The following FSTL3 variants were observed in gnomAD, a reference collection of about 807,000 sequenced individuals.
FSTL3 encodes follistatin like 3.
FSTL3 carries 21 observed loss-of-function variants against 28.1 expected under a neutral mutation model. The observed-to-expected ratio is 0.75, with a 90% CI of 0.53 to 1.08. The LOEUF is 1.08. FSTL3 is among the 50% of genes least tolerant of loss of function. The probability of loss-of-function intolerance (pLI) is 0.00; values close to 1 mark genes in which losing one functional copy is unlikely to be tolerated. For synonymous variants in FSTL3, 199 were observed against 164.2 expected (o/e 1.21, Z -1.62); for missense variants, 400 against 380.9 (o/e 1.05, Z -0.42).
chr19:681,239 C>G (rs546362697), intron 3 of FSTL3, 94 bp from the exon 4 acceptor site: 1 of 870,068 alleles, frequency 1.1e-6, no homozygotes, highest in African/African-American at 1.7e-5. Context: ...AGGGTTTTCG[C>G]ATCTTGGGGG....
At position 680,268 on chromosome 19, in the gene FSTL3, C is replaced by A; in HGVS notation, c.290-6C>A. 7.5e-7 allele frequency: 1 copy of A among 1,334,404 alleles called. No homozygotes were observed. Among genetic ancestry groups the A allele is most frequent in the South Asian group, 1.8e-5 (1 of 56,018 alleles). The allele number at this position is 1,334,404 out of a possible 1,614,324, so 82.7% of individuals were successfully genotyped here. On this transcript the variant is annotated splice_region_variant and splice_polypyrimidine_tract_variant and intron_variant, in intron 2 of 4. Transcript: ENST00000166139. Reference sequence around the variant, plus strand: ...CCGGCCCCACGCGCGTGTCCTCTGTCCGCAGATTCGTGCGACGGCGTGGAG... The same window carrying A: ...CCGGCCCCACGCGCGTGTCCTCTGTACGCAGATTCGTGCGACGGCGTGGAG...
chr19:681,230 G>A (rs2031326282), intron 3 of FSTL3, 103 bp from the exon 4 acceptor site: 4 of 770,520 alleles, frequency 5.2e-6, no homozygotes, highest in South Asian at 1.8e-5. Flanking sequence ...TCCTACCAGA[G>A]GGTTTTCGCA....
intron 1 of FSTL3, among the ~76,000 whole-genome samples, chr19:676,804 T>C (rs2031220733): frequency 6.6e-6 from 1 of 152,146 alleles, no homozygotes; most frequent in African/African-American, 2.4e-5. Flanking sequence ...GCTCTCTTCA[T>C]CTCCGTCTTC....
intron 1 of FSTL3, 121 bp from the exon 2 acceptor site, chr19:677,671 C>G (rs2031242155): frequency 1.0e-6 from 1 of 994,490 alleles, no homozygotes; most frequent in Non-Finnish European, 1.4e-6. Flanking sequence ...CCCCTTCTTC[C>G]TGGGTGGGGG....
rs111247833 is a variant in FSTL3 at position 679,003 on chromosome 19, G to C, written c.289+1026G>C. Among the ~76,000 whole-genome samples, 761 of 152,260 alleles carry C rather than the reference G, an allele frequency of 5.0e-3. 11 individuals are homozygous for C. Among genetic ancestry groups the C allele is most frequent in the African/African-American group, 0.017 (722 of 41,538 alleles). ...CTGAGGGCTGCAGACCCGAAGGCCA[G>C]GCTGAGGAACTCTGCTGGCCTCTGA... On this transcript the variant is annotated intron_variant, in intron 2 of 4. Coordinates refer to ENST00000166139, the MANE Select transcript of FSTL3 (RefSeq NM_005860.3).
Position 677,905 on chromosome 19 carries a change from A to G in FSTL3, c.217A>G (p.Asn73Asp). The part of the protein sequence containing the change: ...ASGNIDTAWS[N>D]LTHPGNKINL... Reference sequence around the variant, plus strand: ...CGGCAACATTGACACCGCCTGGTCCAACCTCACCCACCCGGGGAACAAGAT... The same window carrying G: ...CGGCAACATTGACACCGCCTGGTCCGACCTCACCCACCCGGGGAACAAGAT... Residue 73 changes from asparagine to aspartate, a missense_variant, in exon 2 of 5, where the codon AAC becomes GAC. Transcript: ENST00000166139. 5.6e-6 allele frequency: 9 copies of G among 1,613,632 alleles called. No individual in the cohort carries two copies. The highest frequency in any genetic ancestry group is 7.6e-6 in the Non-Finnish European group (9 of 1,179,990).
intron 1 of FSTL3, 144 bp downstream of exon 1, chr19:676,670 G>T (rs1428188874): frequency 3.4e-6 from 1 of 296,004 alleles, no homozygotes; most frequent in African/African-American, 2.2e-5. Flanking sequence ...GGGAAGGTCT[G>T]AAGGAGGGTC....
chr19:680,605 A>C, intron 3 of FSTL3, 116 bp downstream of exon 3: 1 of 527,884 alleles, frequency 1.9e-6, no homozygotes. Flanking sequence ...GACCACCCGG[A>C]CCTGAGCGTG....
intron 1 of FSTL3, among the ~76,000 whole-genome samples, chr19:677,086 C>A (rs1243773874): frequency 3.3e-5 from 5 of 152,188 alleles, no homozygotes; most frequent in Non-Finnish European, 5.9e-5. Flanking sequence ...GTGCTGCGTT[C>A]CACAAGCTGG....
intron 2 of FSTL3, among the ~76,000 whole-genome samples, chr19:678,396 G>A (rs978662267): frequency 3.9e-5 from 6 of 152,154 alleles, no homozygotes; most frequent in Non-Finnish European, 5.9e-5. Context: ...CATTTGCCTC[G>A]GGACCCTGTT....
rs367998628 is a variant in FSTL3 at position 681,350 on chromosome 19, G to C, written c.523G>C (p.Val175Leu). 4.4e-6 allele frequency: 7 copies of C among 1,576,960 alleles called. No homozygotes were observed. The African/African-American group carries it at 8.1e-5, about 18-fold the overall frequency. Residue 175 changes from valine to leucine, a missense_variant, in exon 4 of 5, where the codon GTG (valine) becomes CTG (leucine). Val to Leu is a conservative substitution (Grantham distance 32, BLOSUM62 1). Coordinates refer to ENST00000166139, the MANE Select transcript of FSTL3 (RefSeq NM_005860.3). ...GRCRKSCEHV[V>L]CPRPQSCVVD... ...GCCTGCAGAGTCCTGTGAGCACGTG[G>C]TGTGCCCGCGGCCACAGTCGTGCGT... is the stretch of plus-strand genomic sequence containing the variant.
In FSTL3 at chr19:680,296, C is replaced by T. The variant is rs1415904179; in HGVS notation, c.312C>T (p.Cys104=). The part of the protein sequence containing the change: ...PCKDSCDGVE[C]GPGKACRMLG... ...CAGATTCGTGCGACGGCGTGGAGTG[C>T]GGCCCGGGCAAGGCGTGCCGCATGC... The change falls in exon 3 of 5, where the codon TGC becomes TGT. Residue 104 remains cysteine (C), a synonymous_variant. Coordinates refer to ENST00000166139, the MANE Select transcript of FSTL3 (RefSeq NM_005860.3). 5 of 1,308,842 alleles carry T rather than the reference C, an allele frequency of 3.8e-6. No homozygotes were observed. In the South Asian group the frequency reaches 8.3e-5, roughly 22 times the overall value. 81.1% of individuals were successfully genotyped at this position (1,308,842 alleles called of 1,614,324 possible).
intron 2 of FSTL3, 101 bp downstream of exon 2, chr19:678,078 A>G (rs751623890): frequency 8.7e-7 from 1 of 1,146,986 alleles, no homozygotes; most frequent in Non-Finnish European, 1.2e-6. Context: ...TGAGCCCGTC[A>G]CAGGGGTATG....
chr19:679,731 G>A (rs561061318), intron 2 of FSTL3, among the ~76,000 whole-genome samples: 17 of 152,236 alleles, frequency 1.1e-4, no homozygotes, highest in Admixed American at 9.1e-4. Context: ...CTGGTTCAGA[G>A]GCCTAGGGCT....
chr19:678,081 G>A (rs2031249452), intron 2 of FSTL3, 104 bp downstream of exon 2: 2 of 1,081,980 alleles, frequency 1.8e-6, no homozygotes, highest in Non-Finnish European at 1.3e-6. Flanking sequence ...GCCCGTCACA[G>A]GGGTATGTAG....
Position 677,847 on chromosome 19 carries a change from G to C in FSTL3, c.159G>C (p.Gln53His), listed in dbSNP as rs1352586102. The stretch of plus-strand genomic sequence containing the variant: ...AGGCCACCTGCAGCCTGGTGCTCCA[G>C]ACTGATGTCACCCGGGCCGAGTGCT... ...GQEATCSLVLQTDVTRAECCA... is the reference protein window; with the variant it reads ...GQEATCSLVLHTDVTRAECCA... The change falls in exon 2 of 5, where the codon CAG becomes CAC. Residue 53 changes from glutamine to histidine, a missense_variant. Transcript: ENST00000166139. The C allele has an allele frequency of 6.2e-7, 1 of 1,612,892 alleles. No homozygotes were observed. The highest frequency in any genetic ancestry group is 2.2e-5 in the East Asian group (1 of 44,886).
intron 2 of FSTL3, 30 bp from the exon 3 acceptor site, chr19:680,244 C>G (rs982137240): frequency 2.3e-6 from 3 of 1,314,738 alleles, no homozygotes; most frequent in Admixed American, 3.6e-5. Flanking sequence ...CTCCCGCGCC[C>G]GGCCCCACGC....
At chr19:680,074 G>A (rs2031295224) in intron 2 of FSTL3, 200 bp from the exon 3 acceptor site, 1 of 293,676 alleles carries the variant, frequency 3.4e-6, no homozygotes. Flanking sequence ...GCGGACCTCG[G>A]CCCCACCGGT....
At chr19:678,660 G>A (rs1450158276) in intron 2 of FSTL3, among the ~76,000 whole-genome samples, 2 of 151,902 alleles carry the variant, frequency 1.3e-5, no homozygotes, top group Non-Finnish European at 1.5e-5. Context: ...GCAGGCGCGC[G>A]CCACCACACC....
Sources: allele counts gnomAD v4.1 joint callset (sites outside exome capture counted in the v4.1 genomes callset), GRCh38; gene constraint gnomAD v4.1.1; transcripts MANE v1.5; gene names NCBI Gene and HGNC (gene_info 2026-07-23, HGNC 2026-07-21).